NCAM2: variants seen among roughly 807,000 people sequenced by gnomAD.
NCAM2 encodes neural cell adhesion molecule 2, also known as N-CAM-2.
NCAM2 carries 30 observed loss-of-function variants against 98.1 expected under a neutral mutation model. That is an observed-to-expected ratio of 0.31 (90% CI 0.23 to 0.41). The LOEUF (loss-of-function observed/expected upper bound fraction) is 0.41, where lower values mean the gene tolerates loss of function less well. Ranked by LOEUF, NCAM2 falls within the 10% of genes least tolerant of loss-of-function variation. NCAM2 has a pLI of 1.00. For synonymous variants in NCAM2, 368 were observed against 342.4 expected (o/e 1.07, Z -0.83); for missense variants, 867 against 1,005.8 (o/e 0.86, Z 1.87).
chr21:21,323,684 A>C (rs1176694077), intron 5 of NCAM2, among the ~76,000 whole-genome samples: 1 of 152,196 alleles, frequency 6.6e-6, no homozygotes, highest in Non-Finnish European at 1.5e-5. Context: ...CAGCATATAC[A>C]GTTTTTGCAA....
At position 21,539,758 on chromosome 21, in the gene NCAM2, C is replaced by T. The variant is rs899437137; in HGVS notation, c.*1801C>T. On this transcript the variant is annotated 3_prime_UTR_variant, in exon 18 of 18. Coordinates refer to ENST00000400546, the MANE Select transcript of NCAM2 (RefSeq NM_004540.5). ...GAAGAAAAGAACAGAATTCTTGTGCCTACCTAAGAATTTGAGTAGTGTCTA... is the reference window on the plus strand; with the variant it reads ...GAAGAAAAGAACAGAATTCTTGTGCTTACCTAAGAATTTGAGTAGTGTCTA... The T allele has an allele frequency of 9.9e-5, 15 of 152,116 alleles. No homozygotes were observed. The highest frequency in any genetic ancestry group is 7.4e-5 in the Non-Finnish European group (5 of 68,022). 9.4% of individuals were successfully genotyped at this position (152,116 alleles called of 1,614,324 possible). A position where few individuals can be genotyped will look rare whatever the true frequency, so the allele number is the denominator to read the frequency against.
chr21:21,301,683 A>G (rs1736248959), intron 5 of NCAM2, among the ~76,000 whole-genome samples: 1 of 149,176 alleles, frequency 6.7e-6, no homozygotes, highest in African/African-American at 2.5e-5. Flanking sequence ...ATGGTTTCCA[A>G]TTTCATCCAT....
At chr21:21,297,370 A>G (rs1316647106) in intron 5 of NCAM2, among the ~76,000 whole-genome samples, 4 of 151,714 alleles carry the variant, frequency 2.6e-5, no homozygotes, top group African/African-American at 9.7e-5. Context: ...ACTTGCTTAT[A>G]TTAAACTTTT....
chr21:21,080,812 T>C (rs886353890), intron 1 of NCAM2, among the ~76,000 whole-genome samples: 3 of 152,108 alleles, frequency 2.0e-5, no homozygotes, highest in African/African-American at 7.2e-5. Context: ...TCATACTGTC[T>C]TCAGCAAACC....
At chr21:21,220,928 A>G (rs1364649087) in intron 1 of NCAM2, among the ~76,000 whole-genome samples, 1 of 152,182 alleles carries the variant, frequency 6.6e-6, no homozygotes, top group African/African-American at 2.4e-5. Flanking sequence ...TATTTTACAA[A>G]TTGAATTTTT....
At chr21:21,016,005 G>C in intron 1 of NCAM2, among the ~76,000 whole-genome samples, 1 of 152,078 alleles carries the variant, frequency 6.6e-6, no homozygotes. Flanking sequence ...ACAATGCCCA[G>C]TCGCCTGTAT....
intron 15 of NCAM2, among the ~76,000 whole-genome samples, chr21:21,495,605 C>A (rs1363359504): frequency 6.6e-6 from 1 of 152,022 alleles, no homozygotes; most frequent in Admixed American, 6.6e-5. Context: ...TTACTGAATT[C>A]ACTTGCAAGC....
intron 1 of NCAM2, among the ~76,000 whole-genome samples, chr21:21,175,386 A>C (rs2068249834): frequency 6.6e-6 from 1 of 152,122 alleles, no homozygotes; most frequent in African/African-American, 2.4e-5. Flanking sequence ...TACAAAAATT[A>C]TCTGGGCATG....
chr21:21,180,235 TTAAA>T (rs1281529941), intron 1 of NCAM2, among the ~76,000 whole-genome samples: 1 of 152,036 alleles, frequency 6.6e-6, no homozygotes, highest in Non-Finnish European at 1.5e-5. Context: ...AATAAAACAA[TTAAA>T]TAAAAAAATT....
At chr21:21,369,225 GT>G in intron 8 of NCAM2, among the ~76,000 whole-genome samples, 1 of 151,828 alleles carries the variant, frequency 6.6e-6, no homozygotes, top group South Asian at 2.1e-4. Flanking sequence ...TTCAATACTA[GT>G]CCTTTGTTAT....
chr21:21,055,640 C>G (rs1226721524), intron 1 of NCAM2, among the ~76,000 whole-genome samples: 1 of 152,020 alleles, frequency 6.6e-6, no homozygotes, highest in African/African-American at 2.4e-5. Flanking sequence ...CTCATCTCAA[C>G]ACAAAATGGA....
intron 1 of NCAM2, among the ~76,000 whole-genome samples, chr21:21,055,221 A>T (rs1479818939): frequency 6.6e-6 from 1 of 152,044 alleles, no homozygotes; most frequent in Non-Finnish European, 1.5e-5. Flanking sequence ...TAATAAAACC[A>T]AGAAGCCACA....
At chr21:21,242,425 G>A (rs1340620412) in intron 1 of NCAM2, among the ~76,000 whole-genome samples, 1 of 152,158 alleles carries the variant, frequency 6.6e-6, no homozygotes, top group African/African-American at 2.4e-5. Flanking sequence ...ACAATAGATT[G>A]ATAAAGCTTA....
At chr21:21,442,531 C>T (rs1979458341) in intron 12 of NCAM2, among the ~76,000 whole-genome samples, 1 of 152,070 alleles carries the variant, frequency 6.6e-6, no homozygotes, top group Admixed American at 6.6e-5. Context: ...TGTCTTTAAT[C>T]CCGTAGAAAT....
intron 12 of NCAM2, among the ~76,000 whole-genome samples, chr21:21,441,205 A>G (rs1979213758): frequency 6.6e-6 from 1 of 152,192 alleles, no homozygotes; most frequent in Non-Finnish European, 1.5e-5. Context: ...TTTCATGTCT[A>G]CAAAACTAAA....
At chr21:21,482,952 A>G (rs2146283740) in intron 15 of NCAM2, among the ~76,000 whole-genome samples, 1 of 152,174 alleles carries the variant, frequency 6.6e-6, no homozygotes, top group Admixed American at 6.5e-5. Flanking sequence ...TAATTGTTAT[A>G]AAATGACTAC....
At chr21:21,325,852 C>T (rs1290715589) in intron 6 of NCAM2, among the ~76,000 whole-genome samples, 1 of 152,084 alleles carries the variant, frequency 6.6e-6, no homozygotes, top group Non-Finnish European at 1.5e-5. Context: ...GCTTGAGATA[C>T]TCATGTTCCA....
In NCAM2 at chr21:21,432,115, A is replaced by T; in HGVS notation, c.1488A>T (p.Pro496=). The T allele has an allele frequency of 6.2e-7, 1 of 1,613,824 alleles. No homozygotes were observed. The highest frequency in any genetic ancestry group is 8.5e-7 in the Non-Finnish European group (1 of 1,179,762). Residue 496 remains proline, a synonymous_variant, in exon 12 of 18, where the codon CCA becomes CCT. Transcript: ENST00000400546. ...ATATTTCTTTGTCCATAGACGTGCCATCCAGTCCCTATGGAGTGAAGATCA... is the reference window on the plus strand; with the variant it reads ...ATATTTCTTTGTCCATAGACGTGCCTTCCAGTCCCTATGGAGTGAAGATCA... ...QEYILALADV[P]SSPYGVKIIE...
At chr21:21,051,493 G>T (rs953390369) in intron 1 of NCAM2, among the ~76,000 whole-genome samples, 1 of 152,160 alleles carries the variant, frequency 6.6e-6, no homozygotes, top group South Asian at 2.1e-4. Context: ...ATCAAATTGC[G>T]CTGAAGAACA....
Sources: allele counts gnomAD v4.1 joint callset (sites outside exome capture counted in the v4.1 genomes callset), GRCh38; gene constraint gnomAD v4.1.1; transcripts MANE v1.5; gene names NCBI Gene and HGNC (gene_info 2026-07-23, HGNC 2026-07-21).